The following AADAT variants were observed in gnomAD, a reference collection of about 807,000 sequenced individuals.
AADAT encodes kynurenine/alpha-aminoadipate aminotransferase, mitochondrial.
Under a neutral mutation model 56.2 loss-of-function variants are expected in AADAT, and 25 were observed. The ratio of observed to expected loss-of-function variants is 0.44; its 90% CI spans 0.32 to 0.62. The LOEUF (loss-of-function observed/expected upper bound fraction) is 0.62, where lower values mean the gene tolerates loss of function less well. Among genes scored for constraint, AADAT ranks in the 20% least tolerant of loss-of-function variants. AADAT has a pLI of 0.04. For missense variants in AADAT, 387 were observed against 510.5 expected (o/e 0.76, Z 2.33); for synonymous variants, 173 against 164.7 (o/e 1.05, Z -0.39).
At chr4:170,080,475 A>C (rs531826760) in intron 3 of AADAT, among the ~76,000 whole-genome samples, 23 of 152,246 alleles carry the variant, frequency 1.5e-4, no homozygotes, top group Non-Finnish European at 2.8e-4. Context: ...GCCTGGAGGG[A>C]AAAACATCCC....
upstream of AADAT, among the ~76,000 whole-genome samples, chr4:170,091,010 A>T (rs1258960585): frequency 6.6e-6 from 1 of 152,244 alleles, no homozygotes; most frequent in Non-Finnish European, 1.5e-5. Flanking sequence ...AACCCAGTAA[A>T]ATCTTTGTGC....
chr4:170,081,853 T>C (rs534517481), intron 3 of AADAT, among the ~76,000 whole-genome samples: 6 of 152,228 alleles, frequency 3.9e-5, no homozygotes, highest in African/African-American at 1.2e-4. Flanking sequence ...CCAAAAATAT[T>C]GTACACTTGA....
intron 6 of AADAT, among the ~76,000 whole-genome samples, chr4:170,070,286 A>G (rs1561014437): frequency 6.6e-6 from 1 of 151,884 alleles, no homozygotes; most frequent in South Asian, 2.1e-4. Flanking sequence ...TGTGGAGTTT[A>G]AGACGTCCAT....
chr4:170,065,279 A>G (rs1731393720), intron 10 of AADAT, among the ~76,000 whole-genome samples: 1 of 152,212 alleles, frequency 6.6e-6, no homozygotes, highest in Admixed American at 6.5e-5. Context: ...TTTTTATCAG[A>G]ATGTAATTAA....
upstream of AADAT, among the ~76,000 whole-genome samples, chr4:170,092,415 C>G (rs960491789): frequency 1.6e-4 from 25 of 152,246 alleles, no homozygotes; most frequent in African/African-American, 5.3e-4. Context: ...ACGCCAGCAG[C>G]CAGTGAGACC....
intron 6 of AADAT, chr4:170,070,353 T>C (rs962456353): frequency 4.6e-5 from 17 of 367,074 alleles, no homozygotes; most frequent in Non-Finnish European, 7.3e-5. Flanking sequence ...AGCTACTATT[T>C]TGAAGGTAAG....
intron 10 of AADAT, among the ~76,000 whole-genome samples, chr4:170,065,267 C>A (rs540772084): frequency 6.6e-6 from 1 of 151,966 alleles, no homozygotes; most frequent in African/African-American, 2.4e-5. Flanking sequence ...AGTGGATTAG[C>A]GTTTTTATCA....
intron 5 of AADAT, among the ~76,000 whole-genome samples, chr4:170,072,641 A>G (rs562533851): frequency 3.7e-4 from 56 of 152,300 alleles, no homozygotes; most frequent in African/African-American, 1.3e-3. Flanking sequence ...CTTATTTTTC[A>G]AAGATTTCTG....
intron 5 of AADAT, 63 bp downstream of exon 5, chr4:170,073,073 G>A: frequency 6.7e-7 from 1 of 1,489,018 alleles, no homozygotes; most frequent in Non-Finnish European, 9.3e-7. Flanking sequence ...CTTGCATAGT[G>A]CTCTTCTAAA....
rs933720099 is a variant in AADAT, at chr4:170,062,582, G to C, written c.1135-589C>G. On this transcript the variant is annotated intron_variant, in intron 11 of 12. Transcript: ENST00000337664. ...TAAGCGTGTCAAGATGGGGTGGTCG[G>C]AACAGCTGCTGTTCTTGATGGCCAC... Among the ~76,000 whole-genome samples, 69 of 152,284 alleles carry C rather than the reference G, an allele frequency of 4.5e-4. 1 individual carries two copies. The highest frequency in any genetic ancestry group is 1.6e-3 in the African/African-American group (68 of 41,560).
At chr4:170,061,871 T>A (rs1731205161) in intron 12 of AADAT, 21 bp downstream of exon 12, 1 of 1,568,206 alleles carries the variant, frequency 6.4e-7, no homozygotes. Flanking sequence ...AGTGTTACTC[T>A]GAGGAGAATA....
At chr4:170,068,413 C>T (rs1731588593) in intron 8 of AADAT, among the ~76,000 whole-genome samples, 178 bp downstream of exon 8, 1 of 152,116 alleles carries the variant, frequency 6.6e-6, no homozygotes, top group Non-Finnish European at 1.5e-5. Context: ...ATTAAGTTTA[C>T]TTTATTTTAA....
chr4:170,080,984 A>T (rs571847980), intron 3 of AADAT, among the ~76,000 whole-genome samples: 8 of 152,362 alleles, frequency 5.3e-5, no homozygotes, highest in African/African-American at 1.7e-4. Context: ...ACAAGATGGC[A>T]ATTTGTCAGC....
intron 11 of AADAT, 81 bp downstream of exon 11, chr4:170,064,638 T>G (rs894217011): frequency 8.6e-6 from 9 of 1,040,918 alleles, no homozygotes; most frequent in Admixed American, 2.5e-5. Context: ...AAACATTTCT[T>G]TCCATTCTAT....
At chr4:170,086,734 G>T (rs936247790) in intron 3 of AADAT, among the ~76,000 whole-genome samples, 2 of 152,154 alleles carry the variant, frequency 1.3e-5, no homozygotes, top group African/African-American at 4.8e-5. Flanking sequence ...ATAGGTCTGG[G>T]TAATTGACCA....
At chr4:170,073,548 A>G (rs1040675277) in intron 4 of AADAT, among the ~76,000 whole-genome samples, 1 of 150,228 alleles carries the variant, frequency 6.7e-6, no homozygotes, top group African/African-American at 2.5e-5. Context: ...TCTGTCACCC[A>G]GGCTGGAGTG....
intron 3 of AADAT, 136 bp from the exon 4 acceptor site, chr4:170,078,719 A>G (rs1732157664): frequency 2.1e-6 from 1 of 477,606 alleles, no homozygotes. Flanking sequence ...GGGGCCAAAC[A>G]GTAAACACTT....
intron 4 of AADAT, among the ~76,000 whole-genome samples, chr4:170,077,934 TTC>T (rs760600980): frequency 1.3e-5 from 2 of 152,170 alleles, no homozygotes; most frequent in Non-Finnish European, 2.9e-5. Context: ...CTGACTATCT[TTC>T]TCTGAGTATG....
intron 6 of AADAT, chr4:170,070,381 A>C: frequency 2.3e-6 from 1 of 432,666 alleles, no homozygotes; most frequent in Non-Finnish European, 4.1e-6. Context: ...TGGAAAGAGC[A>C]GTAATACCAA....
Sources: allele counts gnomAD v4.1 joint callset (sites outside exome capture counted in the v4.1 genomes callset), GRCh38; gene constraint gnomAD v4.1.1; transcripts MANE v1.5; gene names NCBI Gene and HGNC (gene_info 2026-07-23, HGNC 2026-07-21).